Variants in BIRC6 observed in about 807,000 individuals in gnomAD.
BIRC6 encodes baculoviral IAP repeat containing 6.
Under a neutral mutation model 503.3 loss-of-function variants are expected in BIRC6, and 98 were observed. The observed-to-expected ratio is 0.19, with a 90% CI of 0.17 to 0.23. The LOEUF (loss-of-function observed/expected upper bound fraction) is 0.23. BIRC6 is among the 10% of genes least tolerant of loss of function. The pLI is 1.00. For synonymous variants in BIRC6, 2,240 were observed against 2,078.7 expected, an observed-to-expected ratio of 1.08 and a Z score of -2.11; for missense variants, 5,360 against 5,806.0, an observed-to-expected ratio of 0.92 and a Z score of 2.50.
chr2:32,401,764 T>C, intron 8 of BIRC6, 141 bp downstream of exon 8: 1 of 702,106 alleles, frequency 1.4e-6, no homozygotes, highest in Non-Finnish European at 2.2e-6. Flanking sequence ...TGGTTAGAAA[T>C]CTGAAATCTG....
intron 26 of BIRC6, among the ~76,000 whole-genome samples, chr2:32,465,385 T>C (rs1310133652): frequency 6.6e-6 from 1 of 151,950 alleles, no homozygotes; most frequent in African/African-American, 2.4e-5. Context: ...GGATTTGATC[T>C]ATATATGAAT....
At chr2:32,436,893 T>C (rs1207199445) in intron 15 of BIRC6, among the ~76,000 whole-genome samples, 7 of 146,216 alleles carry the variant, frequency 4.8e-5, no homozygotes, top group Non-Finnish European at 9.0e-5. Context: ...TTTCTTTTTT[T>C]TTTTTTTTTT....
rs2045868355 is a variant in BIRC6 at position 32,445,615 on chromosome 2, G to A, written c.4431G>A (p.Val1477=). ...STACASLLTA[V]SRQLQDRLTP... ...CTTGTGCATCTTTGCTTACTGCAGT[G>A]TCCAGACAGTTACAGGACAGGCTAA... Residue 1477 remains valine (V), a synonymous_variant, in exon 21 of 74, where the codon GTG becomes GTA. Coordinates refer to ENST00000421745, the MANE Select transcript of BIRC6 (RefSeq NM_016252.4). 6.2e-7 allele frequency: 1 copy of A among 1,606,220 alleles called. No homozygotes were observed. Among genetic ancestry groups the A allele is most frequent in the Non-Finnish European group, 8.5e-7 (1 of 1,176,096 alleles).
Position 32,500,123 on chromosome 2 carries a change from A to T in BIRC6, c.9031+14A>T. 1 of 1,565,124 alleles carries T rather than the reference A, an allele frequency of 6.4e-7. No individual in the cohort carries two copies. Among genetic ancestry groups the T allele is most frequent in the African/African-American group, 1.4e-5 (1 of 73,292 alleles). ...CAATGATAATTGGTATGTATTGAGA[A>T]TATTAATCTTACCATTGTCTCTGAT... On this transcript the variant is annotated intron_variant, in intron 46 of 73. Transcript: ENST00000421745.
At chr2:32,454,437 C>G (rs1268548701) in intron 23 of BIRC6, among the ~76,000 whole-genome samples, 8 of 151,656 alleles carry the variant, frequency 5.3e-5, no homozygotes, top group Non-Finnish European at 1.2e-4. Context: ...TTTTGACCAT[C>G]AATCAGTGGA....
intron 65 of BIRC6, among the ~76,000 whole-genome samples, chr2:32,559,885 G>A (rs980401579): frequency 3.3e-5 from 5 of 151,864 alleles, no homozygotes; most frequent in Non-Finnish European, 5.9e-5. Context: ...GTGTAGTGGC[G>A]GGTGCCTGTT....
chr2:32,464,679 T>A lies in BIRC6; in HGVS notation c.5112T>A (p.Phe1704Leu). 2 of 1,613,968 alleles carry A rather than the reference T, an allele frequency of 1.2e-6. No homozygotes were observed. Among genetic ancestry groups the A allele is most frequent in the Non-Finnish European group, 1.7e-6 (2 of 1,179,888 alleles). The change falls in exon 25 of 74, where the codon TTT becomes TTA. Residue 1704 changes from phenylalanine (F) to leucine (L), a missense_variant. By Grantham distance (22) the Phe-to-Leu change is conservative (BLOSUM62 0). This residue lies in a region of BIRC6 where 2,299 missense variants were observed against 2,267.2 expected (regional missense o/e 1.01). Transcript: ENST00000421745. ...CCACTCCAAAAACAACACCTCTTTTTATGACTCCACCACTCACTCCACCCA... is the reference window on the plus strand; with the variant it reads ...CCACTCCAAAAACAACACCTCTTTTAATGACTCCACCACTCACTCCACCCA... ...IPPTPKTTPL[F>L]MTPPLTPPNE...
intron 65 of BIRC6, among the ~76,000 whole-genome samples, chr2:32,572,830 T>C (rs1296728494): frequency 6.6e-6 from 1 of 152,234 alleles, no homozygotes; most frequent in Non-Finnish European, 1.5e-5. Context: ...TCCATCACTT[T>C]GAACGTCACT....
At chr2:32,377,296 A>G (rs1315494231) in intron 1 of BIRC6, among the ~76,000 whole-genome samples, 1 of 150,760 alleles carries the variant, frequency 6.6e-6, no homozygotes, top group African/African-American at 2.4e-5. Flanking sequence ...TGCATATATC[A>G]TGCTCATTTT....
At chr2:32,575,572 G>A (rs2060208867) in intron 66 of BIRC6, among the ~76,000 whole-genome samples, 1 of 152,090 alleles carries the variant, frequency 6.6e-6, no homozygotes, top group Non-Finnish European at 1.5e-5. Flanking sequence ...AGACCATCCT[G>A]GCTAACATGG....
chr2:32,424,169 T>A (rs575943318), intron 10 of BIRC6, among the ~76,000 whole-genome samples: 17 of 152,310 alleles, frequency 1.1e-4, no homozygotes, highest in African/African-American at 3.8e-4. Flanking sequence ...TTGCTATCAT[T>A]GTGCTATTTT....
chr2:32,451,476 C>T (rs990159359), intron 22 of BIRC6, among the ~76,000 whole-genome samples: 5 of 152,176 alleles, frequency 3.3e-5, no homozygotes, highest in Admixed American at 6.5e-5. Context: ...TGGTGTTATT[C>T]ACTGTGCACT....
At chr2:32,398,530 A>G (rs964641482) in intron 6 of BIRC6, among the ~76,000 whole-genome samples, 1 of 152,152 alleles carries the variant, frequency 6.6e-6, no homozygotes, top group African/African-American at 2.4e-5. Context: ...AAGACCCTGT[A>G]TTTTATTTTT....
At chr2:32,538,631 C>T (rs2057422135) in intron 61 of BIRC6, among the ~76,000 whole-genome samples, 1 of 152,198 alleles carries the variant, frequency 6.6e-6, no homozygotes, top group South Asian at 2.1e-4. Flanking sequence ...AAGATCTCAT[C>T]AACAATGTAC....
At chr2:32,470,713 G>A (rs1005616850) in intron 31 of BIRC6, among the ~76,000 whole-genome samples, 1 of 152,080 alleles carries the variant, frequency 6.6e-6, no homozygotes, top group African/African-American at 2.4e-5. Flanking sequence ...TTCAGTTCCT[G>A]TGAATCTAAG....
intron 62 of BIRC6, among the ~76,000 whole-genome samples, chr2:32,543,869 A>T (rs1025257323): frequency 6.6e-6 from 1 of 152,212 alleles, no homozygotes; most frequent in Middle Eastern, 3.2e-3. Flanking sequence ...GTACATAAAC[A>T]TGTATACTTA....
chr2:32,365,252 G>T (rs1426200572), intron 1 of BIRC6, among the ~76,000 whole-genome samples: 2 of 151,888 alleles, frequency 1.3e-5, no homozygotes, highest in South Asian at 4.2e-4. Flanking sequence ...TAACTCACTG[G>T]GTTATTGTAA....
intron 66 of BIRC6, among the ~76,000 whole-genome samples, chr2:32,583,247 T>G (rs1047986762): frequency 1.3e-5 from 2 of 152,250 alleles, no homozygotes; most frequent in Admixed American, 6.5e-5. Flanking sequence ...GACAATTCTT[T>G]AGGCAGTTGT....
chr2:32,542,598 T>C lies in BIRC6; in HGVS notation c.12292-643T>C, dbSNP rs1247250038. On this transcript the variant is annotated intron_variant, in intron 61 of 73. Transcript: ENST00000421745. Reference sequence around the variant, plus strand: ...AAAGTTCTCCTTTTCTTAACCACTTTAGTAATAATTGTTTCAGGCACAATT... The same window carrying C: ...AAAGTTCTCCTTTTCTTAACCACTTCAGTAATAATTGTTTCAGGCACAATT... 3.3e-5 allele frequency among the ~76,000 whole-genome samples: 5 copies of C among 152,322 alleles called. No individual in the cohort carries two copies. In the East Asian group the frequency reaches 9.6e-4, roughly 29 times the overall value.
Sources: allele counts gnomAD v4.1 joint callset (sites outside exome capture counted in the v4.1 genomes callset), GRCh38; gene constraint gnomAD v4.1.1; regional missense constraint gnomAD v4.1.1; transcripts MANE v1.5; gene names NCBI Gene and HGNC (gene_info 2026-07-23, HGNC 2026-07-21).